The following TMEM117 variants were observed in gnomAD, a reference collection of about 807,000 sequenced individuals.
TMEM117 encodes transmembrane protein 117.
In TMEM117, 27 loss-of-function variants were observed where a neutral mutation model predicts 52.4. The ratio of observed to expected loss-of-function variants is 0.51; its 90% CI spans 0.38 to 0.71. TMEM117 has a LOEUF of 0.71. TMEM117 is among the 30% of genes least tolerant of loss of function. TMEM117 has a pLI of 0.00. For missense variants in TMEM117, 556 were observed against 630.5 expected (o/e 0.88, Z 1.26); for synonymous variants, 215 against 206.3 (o/e 1.04, Z -0.36).
chr12:44,200,623 A>G (rs1949483000), intron 4 of TMEM117, among the ~76,000 whole-genome samples: 1 of 152,240 alleles, frequency 6.6e-6, no homozygotes, highest in South Asian at 2.1e-4. Context: ...TTGGCAATCA[A>G]CCAAAAGAAC....
chr12:44,088,185 G>T (rs1356475521), intron 3 of TMEM117, among the ~76,000 whole-genome samples: 2 of 152,112 alleles, frequency 1.3e-5, no homozygotes, highest in Non-Finnish European at 1.5e-5. Flanking sequence ...AAGGGTCTTG[G>T]TGTCTCCAGG....
chr12:43,971,938 A>G (rs931432666), intron 3 of TMEM117, among the ~76,000 whole-genome samples: 1 of 152,158 alleles, frequency 6.6e-6, no homozygotes, highest in Non-Finnish European at 1.5e-5. Context: ...GGCAACCACT[A>G]CTGCACTCCC....
chr12:44,385,896 C>A (rs1343528623), intron 7 of TMEM117, among the ~76,000 whole-genome samples: 1 of 152,074 alleles, frequency 6.6e-6, no homozygotes, highest in Non-Finnish European at 1.5e-5. Flanking sequence ...TTCCTTTTCT[C>A]TCCCCTCAGC....
At chr12:43,886,788 C>T (rs1041906150) in intron 2 of TMEM117, among the ~76,000 whole-genome samples, 1 of 152,150 alleles carries the variant, frequency 6.6e-6, no homozygotes, top group Non-Finnish European at 1.5e-5. Context: ...TCCTCCCACC[C>T]TCCATCCCCA....
chr12:43,978,327 A>C (rs548434144), intron 3 of TMEM117, among the ~76,000 whole-genome samples: 80 of 152,340 alleles, frequency 5.3e-4, no homozygotes, highest in Middle Eastern at 3.4e-3. Flanking sequence ...TGGGCTCAAG[A>C]GTGGACTTAA....
At chr12:44,312,449 T>G (rs73086798) in intron 6 of TMEM117, among the ~76,000 whole-genome samples, 5,195 of 152,272 alleles carry the variant, frequency 0.034, 106 homozygotes, top group Middle Eastern at 0.13. Context: ...TTTTTTCTTT[T>G]TCATGGCTGT....
chr12:43,839,577 C>G lies in TMEM117; in HGVS notation c.-29+3381C>G, dbSNP rs11830916. ...TTCTAATGTCACCTTATAATGAGGTCTTCAACTTCCCTCACACCTGACACT... is the reference window on the plus strand; with the variant it reads ...TTCTAATGTCACCTTATAATGAGGTGTTCAACTTCCCTCACACCTGACACT... On this transcript the variant is annotated intron_variant, in intron 1 of 7. Transcript: ENST00000266534. Among the ~76,000 whole-genome samples the G allele has an allele frequency of 9.1e-3, 1,389 of 152,284 alleles. 20 individuals are homozygous for G. The highest frequency in any genetic ancestry group is 0.03 in the African/African-American group (1,255 of 41,552).
chr12:44,137,318 C>G (rs1948505362), intron 3 of TMEM117, among the ~76,000 whole-genome samples: 1 of 151,856 alleles, frequency 6.6e-6, no homozygotes, highest in South Asian at 2.1e-4. Flanking sequence ...AGCCAGAAGA[C>G]AGGGATTGGC....
chr12:43,940,310 T>C (rs1023886558), intron 2 of TMEM117, among the ~76,000 whole-genome samples: 54 of 152,178 alleles, frequency 3.5e-4, no homozygotes, highest in African/African-American at 1.2e-3. Flanking sequence ...TGAGACTCTT[T>C]AGTGTATTTC....
At chr12:43,864,007 G>A (rs942575001) in intron 2 of TMEM117, among the ~76,000 whole-genome samples, 21 of 152,218 alleles carry the variant, frequency 1.4e-4, no homozygotes, top group African/African-American at 3.9e-4. Flanking sequence ...CGGCCAGCCA[G>A]CCCTGGACAG....
chr12:44,062,201 A>G (rs1292623023), intron 3 of TMEM117, among the ~76,000 whole-genome samples: 1 of 152,224 alleles, frequency 6.6e-6, no homozygotes, highest in African/African-American at 2.4e-5. Context: ...TTTGAATGCT[A>G]TCAGATTCAT....
intron 3 of TMEM117, among the ~76,000 whole-genome samples, chr12:44,023,265 A>T (rs1946481731): frequency 6.6e-6 from 1 of 152,180 alleles, no homozygotes; most frequent in Non-Finnish European, 1.5e-5. Flanking sequence ...TGCTATTGTG[A>T]ATAGTGCCGC....
intron 5 of TMEM117, among the ~76,000 whole-genome samples, chr12:44,283,913 C>A (rs900853455): frequency 1.3e-5 from 2 of 152,128 alleles, no homozygotes; most frequent in African/African-American, 4.8e-5. Flanking sequence ...GCTGGTCTTT[C>A]CTGTGCTACT....
At chr12:43,800,960 C>T in the TMEM117 span, among the ~76,000 whole-genome samples, 1 of 152,270 alleles carries the variant, frequency 6.6e-6, no homozygotes, top group South Asian at 2.1e-4. Flanking sequence ...CCATGTTGGT[C>T]AAGCTGGTCT....
intron 5 of TMEM117, among the ~76,000 whole-genome samples, chr12:44,297,118 A>G (rs1950778824): frequency 6.6e-6 from 1 of 152,194 alleles, no homozygotes; most frequent in Admixed American, 6.5e-5. Context: ...GACTCCTAGA[A>G]TAGTTCCTTT....
At chr12:44,043,080 A>G (rs1435730852) in intron 3 of TMEM117, among the ~76,000 whole-genome samples, 1 of 152,164 alleles carries the variant, frequency 6.6e-6, no homozygotes, top group Non-Finnish European at 1.5e-5. Flanking sequence ...AGAGGCAAGG[A>G]GTTTAGTGAC....
chr12:43,835,819 G>T (rs1943015802), upstream of TMEM117: 1 of 151,968 alleles, frequency 6.6e-6, no homozygotes, highest in South Asian at 2.1e-4. Flanking sequence ...CGGCCCGCGG[G>T]CTGGAGTCAG....
chr12:44,265,612 GACATA>G (rs1380029693), intron 5 of TMEM117, among the ~76,000 whole-genome samples: 1 of 152,088 alleles, frequency 6.6e-6, no homozygotes, highest in Non-Finnish European at 1.5e-5. Context: ...AGGTGAAATT[GACATA>G]ACATAAAATT....
rs56709250 is a variant in TMEM117 at position 44,226,501 on chromosome 12, A to ATGTGTGTGTGTGTGTGTGTGTG, written c.608+15116_608+15137dup. Among the ~76,000 whole-genome samples the ATGTGTGTGTGTGTGTGTGTGTG allele has an allele frequency of 2.3e-4, 34 of 149,274 alleles. 1 individual carries two copies. The highest frequency in any genetic ancestry group is 1.1e-3 in the South Asian group (5 of 4,672). On this transcript the variant is annotated intron_variant, in intron 5 of 7. Coordinates refer to ENST00000266534, the MANE Select transcript of TMEM117 (RefSeq NM_032256.3). ...ATAAACTATAAATATAAATATATAT[A>ATGTGTGTGTGTGTGTGTGTGTG]TGTGTGTGTGTGTGTGTGTGTGTAC...
Sources: gnomAD v4.1 joint callset for allele counts (sites outside exome capture counted in the v4.1 genomes callset) on GRCh38, gnomAD v4.1.1 for gene constraint, MANE v1.5 for transcripts, NCBI Gene and HGNC (gene_info 2026-07-23, HGNC 2026-07-21) for gene names.